SCUBE3: variants seen among roughly 807,000 people sequenced by gnomAD.
SCUBE3 encodes signal peptide, CUB domain and EGF like domain containing 3.
Under a neutral mutation model 116.8 loss-of-function variants are expected in SCUBE3, and 33 were observed. The ratio of observed to expected loss-of-function variants is 0.28; its 90% CI spans 0.21 to 0.38. SCUBE3 has a LOEUF of 0.38. Ranked by LOEUF, SCUBE3 falls within the 10% of genes least tolerant of loss-of-function variation. SCUBE3 has a pLI of 1.00. For missense variants in SCUBE3, 1,007 were observed against 1,324.8 expected, an observed-to-expected ratio of 0.76 and a Z score of 3.72; for synonymous variants, 418 against 496.9, an observed-to-expected ratio of 0.84 and a Z score of 2.11.
At position 35,241,428 on chromosome 6, in the gene SCUBE3, C is replaced by A; in HGVS notation, c.1196-115C>A. 9.1e-7 allele frequency: 1 copy of A among 1,104,706 alleles called. No homozygotes were observed. The highest frequency in any genetic ancestry group is 1.4e-6 in the Non-Finnish European group (1 of 732,102). The allele number at this position is 1,104,706 out of a possible 1,614,324, so 68.4% of individuals were successfully genotyped here. On this transcript the variant is annotated intron_variant, in intron 10 of 21. Coordinates refer to ENST00000274938, the MANE Select transcript of SCUBE3 (RefSeq NM_152753.4). The surrounding 1 kb of genome is among the most constrained non-coding windows in gnomAD (Gnocchi z 4.1). ...GACATGAAATTTGTAGTAAACAATC[C>A]CATCATCAGTCTCCATGGGTACAAC...
Position 35,228,021 on chromosome 6 carries a change from C to T in SCUBE3, c.208+319C>T, listed in dbSNP as rs1320181263. Among the ~76,000 whole-genome samples, 1 of 152,208 alleles carries T rather than the reference C, an allele frequency of 6.6e-6. No individual in the cohort carries two copies. Among genetic ancestry groups the T allele is most frequent in the Non-Finnish European group, 1.5e-5 (1 of 68,034 alleles). On this transcript the variant is annotated intron_variant, in intron 2 of 21. Coordinates refer to ENST00000274938, the MANE Select transcript of SCUBE3 (RefSeq NM_152753.4). The surrounding 1 kb of genome is among the most constrained non-coding windows in gnomAD (Gnocchi z 4.9). ...TGGAACCTTTATCTTTAGACCCTTA[C>T]ACCACATCCACAATGGATGGGAACA...
Position 35,239,578 on chromosome 6 carries a change from AAG to A in SCUBE3, c.830-162_830-161del, listed in dbSNP as rs996848717. ...GAACAGGGAAGAAACAGAGACAGGAAAGAGAGAGAGAGACAGGAAAGAGAAAG... is the reference window on the plus strand; with the variant it reads ...GAACAGGGAAGAAACAGAGACAGGAAAGAGAGAGAGACAGGAAAGAGAAAG... On this transcript the variant is annotated intron_variant, in intron 7 of 21. Transcript: ENST00000274938. This position sits in a 1 kb window ranked among gnomAD's most constrained non-coding sequence, Gnocchi z 4.1. 1.3e-5 allele frequency among the ~76,000 whole-genome samples: 2 copies of A among 152,046 alleles called. No homozygotes were observed. Among genetic ancestry groups the A allele is most frequent in the East Asian group, 1.9e-4 (1 of 5,190 alleles).
Position 35,248,715 on chromosome 6 carries a change from G to A in SCUBE3, c.*10G>A. 6.2e-7 allele frequency: 1 copy of A among 1,612,770 alleles called. No individual in the cohort carries two copies. The highest frequency in any genetic ancestry group is 1.1e-5 in the South Asian group (1 of 91,018). ...GAGGCCCTACAAATAGTAACCCTAG[G>A]CTCAGAGACCCAATTTTTTAAGCCC... On this transcript the variant is annotated 3_prime_UTR_variant, in exon 22 of 22. Transcript: ENST00000274938.
At chr6:35,225,336 T>G (rs568028537) in intron 1 of SCUBE3, among the ~76,000 whole-genome samples, 1 of 152,370 alleles carries the variant, frequency 6.6e-6, no homozygotes, top group South Asian at 2.1e-4. Flanking sequence ...TTAAGATCGT[T>G]CTGTGATAGC....
At chr6:35,234,111 C>T (rs191707984) in intron 6 of SCUBE3, among the ~76,000 whole-genome samples, 104 of 152,304 alleles carry the variant, frequency 6.8e-4, no homozygotes, top group African/African-American at 2.3e-3. Context: ...ATTCCTTTAG[C>T]CTTTAGGTCT....
At chr6:35,237,334 T>C (rs1411122347) in intron 6 of SCUBE3, among the ~76,000 whole-genome samples, 1 of 152,176 alleles carries the variant, frequency 6.6e-6, no homozygotes, top group Non-Finnish European at 1.5e-5. Context: ...CAGTCGATCC[T>C]GGAAGTGGGA....
chr6:35,220,985 T>C (rs1290553520), intron 1 of SCUBE3: 1 of 152,218 alleles, frequency 6.6e-6, no homozygotes, highest in Non-Finnish European at 1.5e-5. Flanking sequence ...ATCTCCCTGG[T>C]TGCTATTTTG....
chr6:35,247,555 C>T (rs528104193), intron 21 of SCUBE3, among the ~76,000 whole-genome samples: 1 of 151,936 alleles, frequency 6.6e-6, no homozygotes, highest in South Asian at 2.1e-4. Context: ...AAAATAAAAG[C>T]CTTGACAACA....
In SCUBE3 at chr6:35,228,771, A is replaced by T. The variant is rs970484486; in HGVS notation, c.334+32A>T. Reference sequence around the variant, plus strand: ...AAAGGAGAGGGGATTTGGTGGAGGGATGTCTTGTGGAGAAAGAGATCTTTT... The same window carrying T: ...AAAGGAGAGGGGATTTGGTGGAGGGTTGTCTTGTGGAGAAAGAGATCTTTT... On this transcript the variant is annotated intron_variant, in intron 3 of 21. Transcript: ENST00000274938. The surrounding 1 kb of genome is among the most constrained non-coding windows in gnomAD (Gnocchi z 4.9). The T allele has an allele frequency of 6.2e-7, 1 of 1,609,964 alleles. No homozygotes were observed. The highest frequency in any genetic ancestry group is 8.5e-7 in the Non-Finnish European group (1 of 1,176,420).
In SCUBE3 at chr6:35,245,950, C is replaced by T. The variant is rs776023163; in HGVS notation, c.2606C>T (p.Pro869Leu). The change falls in exon 20 of 22, where the codon CCA becomes CTA. Residue 869 changes from proline to leucine, a missense_variant. By Grantham distance (98) the Pro-to-Leu change is moderately conservative. Transcript: ENST00000274938. This position sits in a 1 kb window ranked among gnomAD's most constrained non-coding sequence, Gnocchi z 4.2. ...DVLVMRKNSSPSSITTYETCQ... is the reference protein window; with the variant it reads ...DVLVMRKNSSLSSITTYETCQ... ...CTGCTGCTTGCCTTCCCAGCATCCCCATCCTCCATTACCACTTATGAGACC... is the reference window on the plus strand; with the variant it reads ...CTGCTGCTTGCCTTCCCAGCATCCCTATCCTCCATTACCACTTATGAGACC... 1.1e-5 allele frequency: 18 copies of T among 1,614,020 alleles called. No homozygotes were observed. The highest frequency in any genetic ancestry group is 4.4e-5 in the South Asian group (4 of 91,072).
In SCUBE3 at chr6:35,232,000, C is replaced by T; in HGVS notation, c.469+141C>T. ...TCTCTTGTCCTTCAACTCAATCACA[C>T]CCTAAAGGATCTAGGAACAGACACC... On this transcript the variant is annotated intron_variant, in intron 4 of 21. Transcript: ENST00000274938. This position sits in a 1 kb window ranked among gnomAD's most constrained non-coding sequence, Gnocchi z 4.2. 1 of 753,122 alleles carries T rather than the reference C, an allele frequency of 1.3e-6. No homozygotes were observed. The highest frequency in any genetic ancestry group is 2.1e-6 in the Non-Finnish European group (1 of 479,858). The allele number at this position is 753,122 out of a possible 1,614,324, so 46.7% of individuals were successfully genotyped here.
rs374387298 is a variant in SCUBE3, at chr6:35,245,336, C to T, written c.2510C>T (p.Pro837Leu). 9.9e-6 allele frequency: 16 copies of T among 1,614,168 alleles called. No homozygotes were observed. Among genetic ancestry groups the T allele is most frequent in the Non-Finnish European group, 1.2e-5 (14 of 1,180,024 alleles). ...GAGTGCATCTGGAACATCAACCCCCCACCCAAGCGCAAGATCCTTATCGTG... is the reference window on the plus strand; with the variant it reads ...GAGTGCATCTGGAACATCAACCCCCTACCCAAGCGCAAGATCCTTATCGTG... ...GVECIWNINPPPKRKILIVVP... is the reference protein window; with the variant it reads ...GVECIWNINPLPKRKILIVVP... The change falls in exon 19 of 22, where the codon CCA becomes CTA. Residue 837 changes from proline to leucine, a missense_variant. Physicochemically the swap from Pro to Leu is moderately conservative, Grantham distance 98. Coordinates refer to ENST00000274938, the MANE Select transcript of SCUBE3 (RefSeq NM_152753.4). The surrounding 1 kb of genome is among the most constrained non-coding windows in gnomAD (Gnocchi z 4.2).
In SCUBE3 at chr6:35,241,403, G is replaced by T; in HGVS notation, c.1195+137G>T. On this transcript the variant is annotated intron_variant, in intron 10 of 21. Transcript: ENST00000274938. The surrounding 1 kb of genome is among the most constrained non-coding windows in gnomAD (Gnocchi z 4.1). ...GAGAATGTAGCCATTTTGAGTTAAAGACATGAAATTTGTAGTAAACAATCC... is the reference window on the plus strand; with the variant it reads ...GAGAATGTAGCCATTTTGAGTTAAATACATGAAATTTGTAGTAAACAATCC... The T allele has an allele frequency of 2.5e-6, 3 of 1,189,614 alleles. No homozygotes were observed. Among genetic ancestry groups the T allele is most frequent in the Non-Finnish European group, 3.7e-6 (3 of 815,402 alleles). 73.7% of individuals were successfully genotyped at this position (1,189,614 alleles called of 1,614,324 possible).
Position 35,228,493 on chromosome 6 carries a change from A to C in SCUBE3, c.209-121A>C, listed in dbSNP as rs1783412221. On this transcript the variant is annotated intron_variant, in intron 2 of 21. Coordinates refer to ENST00000274938, the MANE Select transcript of SCUBE3 (RefSeq NM_152753.4). The surrounding 1 kb of genome is among the most constrained non-coding windows in gnomAD (Gnocchi z 4.9). Reference sequence around the variant, plus strand: ...ACTTAGGTTTAAATGAAAACAGAAAAATGCTAAATGGCTTATAGGCCATGA... The same window carrying C: ...ACTTAGGTTTAAATGAAAACAGAAACATGCTAAATGGCTTATAGGCCATGA... 3.2e-6 allele frequency: 3 copies of C among 932,388 alleles called. No homozygotes were observed. The East Asian group carries it at 8.4e-5, about 26-fold the overall frequency. 57.8% of individuals were successfully genotyped at this position (932,388 alleles called of 1,614,324 possible).
In SCUBE3 at chr6:35,245,330, A is replaced by G. The variant is rs760822775; in HGVS notation, c.2504A>G (p.Asn835Ser). 3.8e-5 allele frequency: 61 copies of G among 1,613,536 alleles called. No homozygotes were observed. The Admixed American group carries it at 4.7e-4, about 12-fold the overall frequency. Residue 835 changes from asparagine (N) to serine (S), a missense_variant, in exon 19 of 22, where the codon AAC becomes AGC. Physicochemically the swap from Asn to Ser is conservative, Grantham distance 46 (BLOSUM62 1). This residue lies in a region of SCUBE3 where 544 missense variants were observed against 638.9 expected (regional missense o/e 0.85). Transcript: ENST00000274938. The surrounding 1 kb of genome is among the most constrained non-coding windows in gnomAD (Gnocchi z 4.2). Reference sequence around the variant, plus strand: ...GGTGTGGAGTGCATCTGGAACATCAACCCCCCACCCAAGCGCAAGATCCTT... The same window carrying G: ...GGTGTGGAGTGCATCTGGAACATCAGCCCCCCACCCAAGCGCAAGATCCTT... ...PAGVECIWNI[N>S]PPPKRKILIV...
rs1581901068 is a variant in SCUBE3, at chr6:35,214,635, A to T, written c.85+132A>T. The T allele has an allele frequency of 2.0e-6, 1 of 509,098 alleles. No individual in the cohort carries two copies. Among genetic ancestry groups the T allele is most frequent in the Admixed American group, 4.4e-5 (1 of 22,636 alleles). The allele number at this position is 509,098 out of a possible 1,614,324, so 31.5% of individuals were successfully genotyped here. On this transcript the variant is annotated intron_variant, in intron 1 of 21. Transcript: ENST00000274938. The surrounding 1 kb of genome is among the most constrained non-coding windows in gnomAD (Gnocchi z 6.3). The stretch of plus-strand genomic sequence containing the variant: ...TCAGAACCCGGCTCTGTGCACCCGG[A>T]CTCCCCGGCCAGGGGCCCGACCGCT...
chr6:35,214,424 C>T lies in SCUBE3; in HGVS notation c.6C>T (p.Gly2=). ...GGCCGCCAGTAGCTCCAGCCATGGG[C>T]TCGGGGCGCGTACCCGGGCTCTGCC... M[G]SGRVPGLCLL... is the part of the protein sequence containing the mutation. The change falls in exon 1 of 22, where the codon GGC becomes GGT. Residue 2 remains glycine, a synonymous_variant. Transcript: ENST00000274938. The surrounding 1 kb of genome is among the most constrained non-coding windows in gnomAD (Gnocchi z 6.3). 1 of 1,469,076 alleles carries T rather than the reference C, an allele frequency of 6.8e-7. No homozygotes were observed. The highest frequency in any genetic ancestry group is 9.0e-7 in the Non-Finnish European group (1 of 1,111,956). The allele number at this position is 1,469,076 out of a possible 1,614,324, so 91.0% of individuals were successfully genotyped here. A position where few individuals can be genotyped will look rare whatever the true frequency, so the allele number is the denominator to read the frequency against.
chr6:35,226,768 G>A (rs1446929252), intron 1 of SCUBE3, among the ~76,000 whole-genome samples: 4 of 152,028 alleles, frequency 2.6e-5, no homozygotes, highest in Non-Finnish European at 5.9e-5. Flanking sequence ...ATGAGCCACC[G>A]CGCCTGGCAT....
intron 21 of SCUBE3, among the ~76,000 whole-genome samples, 158 bp downstream of exon 21, chr6:35,246,443 C>T (rs1472372264): frequency 6.6e-6 from 1 of 152,078 alleles, no homozygotes; most frequent in African/African-American, 2.4e-5. Flanking sequence ...GATGGGAAAA[C>T]TGGGGTATAG....
Sources: allele counts gnomAD v4.1 joint callset (sites outside exome capture counted in the v4.1 genomes callset), GRCh38; gene constraint gnomAD v4.1.1; regional missense constraint gnomAD v4.1.1; non-coding constraint Gnocchi (gnomAD v3.1); transcripts MANE v1.5; gene names NCBI Gene and HGNC (gene_info 2026-07-23, HGNC 2026-07-21).